The following ZNF600 variants were observed in gnomAD, a reference collection of about 807,000 sequenced individuals.
The protein encoded by ZNF600 is zinc finger protein 600.
In ZNF600, 4 loss-of-function variants were observed where a neutral mutation model predicts 7.3. The observed-to-expected ratio is 0.55, with a 90% CI of 0.27 to 1.25. The LOEUF is 1.25. ZNF600 is among the 50% of genes most tolerant of loss of function. ZNF600 has a pLI of 0.12. For synonymous variants in ZNF600, 290 were observed against 308.9 expected (o/e 0.94, Z 0.64); for missense variants, 911 against 922.1 (o/e 0.99, Z 0.16).
chr19:52,777,517 G>A lies in ZNF600; in HGVS notation c.63+1309C>T, dbSNP rs190455505. Among the ~76,000 whole-genome samples the A allele has an allele frequency of 5.3e-5, 8 of 152,148 alleles. No individual in the cohort carries two copies. The East Asian group carries it at 1.6e-3, about 29-fold the overall frequency. Reference sequence around the variant, plus strand: ...GATTGCACCACTGCACTCCAGCCTGGACAACAAAATAAAAATACGATATAA... The same window carrying A: ...GATTGCACCACTGCACTCCAGCCTGAACAACAAAATAAAAATACGATATAA... On this transcript the variant is annotated intron_variant, in intron 2 of 3. Transcript: ENST00000648973.
the ZNF600 span, among the ~76,000 whole-genome samples, chr19:52,830,319 T>C: frequency 6.6e-6 from 1 of 151,640 alleles, no homozygotes; most frequent in Non-Finnish European, 1.5e-5. Flanking sequence ...ACATTATTTC[T>C]CAAATAAGTT....
the ZNF600 span, among the ~76,000 whole-genome samples, chr19:52,826,082 C>A: frequency 6.6e-6 from 1 of 152,122 alleles, no homozygotes; most frequent in African/African-American, 2.4e-5. Flanking sequence ...CCCCATTGAG[C>A]CAAGGGAACT....
the ZNF600 span, among the ~76,000 whole-genome samples, chr19:52,830,060 A>C: frequency 6.6e-6 from 1 of 152,050 alleles, no homozygotes; most frequent in Non-Finnish European, 1.5e-5. Context: ...GATCACCTGA[A>C]GTTGGGAGTT....
chr19:52,800,957 G>T, the ZNF600 span: 7 of 1,614,066 alleles, frequency 4.3e-6, no homozygotes, highest in Non-Finnish European at 1.7e-6. Flanking sequence ...CATAAGGTTT[G>T]TCTGCAGTAT....
chr19:52,803,264 AT>A, the ZNF600 span, among the ~76,000 whole-genome samples: 1 of 151,474 alleles, frequency 6.6e-6, no homozygotes, highest in Non-Finnish European at 1.5e-5. Flanking sequence ...TTTAGTAGAG[AT>A]GGGGTTTGGT....
At chr19:52,790,937 T>A (rs1378128942), upstream of ZNF600, among the ~76,000 whole-genome samples, 1 of 151,952 alleles carries the variant, frequency 6.6e-6, no homozygotes, top group African/African-American at 2.4e-5. Flanking sequence ...CACCTTGGAC[T>A]CCCAAAATGC....
chr19:52,808,644 TA>T, the ZNF600 span, among the ~76,000 whole-genome samples: 11 of 137,266 alleles, frequency 8.0e-5, no homozygotes, highest in South Asian at 2.4e-4. Flanking sequence ...AAAAAAAAAT[TA>T]AAAAAAAAAA....
chr19:52,801,338 G>A, the ZNF600 span: 1 of 1,614,124 alleles, frequency 6.2e-7, no homozygotes, highest in Non-Finnish European at 8.5e-7. Context: ...AGGAAGCATT[G>A]TTGATAGACT....
chr19:52,781,453 T>A lies in ZNF600; in HGVS notation c.-19-2546A>T, dbSNP rs1406121680. ...TGCCTGGAAGGCCCAATAGGCTGCC[T>A]TGGTCTTCCTCCTCTAGAAAATTCC... is the stretch of plus-strand genomic sequence containing the variant. On this transcript the variant is annotated intron_variant, in intron 1 of 3. The change creates a new upstream start codon in the 5' untranslated region. Transcript: ENST00000648973. 1 of 152,134 alleles carries A rather than the reference T, an allele frequency of 6.6e-6. No individual in the cohort carries two copies. Among genetic ancestry groups the A allele is most frequent in the Non-Finnish European group, 1.5e-5 (1 of 68,040 alleles). The allele number at this position is 152,134 out of a possible 1,614,324, so 9.4% of individuals were successfully genotyped here.
the ZNF600 span, among the ~76,000 whole-genome samples, chr19:52,816,185 T>C: frequency 1.4e-5 from 2 of 144,420 alleles, no homozygotes; most frequent in Non-Finnish European, 3.0e-5. Flanking sequence ...ACAAAATATA[T>C]ACATCATGTG....
At chr19:52,777,641 C>T in intron 2 of ZNF600, among the ~76,000 whole-genome samples, 1 of 152,094 alleles carries the variant, frequency 6.6e-6, no homozygotes, top group East Asian at 1.9e-4. Flanking sequence ...ACCAGCCTAA[C>T]CAACATGGTG....
At chr19:52,800,446 A>T in the ZNF600 span, 1 of 1,613,412 alleles carries the variant, frequency 6.2e-7, no homozygotes, top group Non-Finnish European at 8.5e-7. Context: ...TCACATTTGT[A>T]TGGTTTCTCT....
chr19:52,808,310 C>T, the ZNF600 span, among the ~76,000 whole-genome samples: 12,316 of 152,192 alleles, frequency 0.081, 910 homozygotes, highest in South Asian at 0.2. Context: ...TCAAGACACA[C>T]TTTCAGTATG....
At chr19:52,818,359 T>C in the ZNF600 span, among the ~76,000 whole-genome samples, 1 of 152,136 alleles carries the variant, frequency 6.6e-6, no homozygotes, top group Non-Finnish European at 1.5e-5. Flanking sequence ...GAAGGATCAC[T>C]TGAGCTCAGA....
chr19:52,772,992 C>CT (rs2062642837), intron 3 of ZNF600, among the ~76,000 whole-genome samples: 1 of 152,164 alleles, frequency 6.6e-6, no homozygotes, highest in African/African-American at 2.4e-5. Context: ...TAATTTTGTC[C>CT]AGTGGATGAA....
At chr19:52,805,647 T>TAAATAAATAAATAAATAAAC in the ZNF600 span, 1 of 149,216 alleles carries the variant, frequency 6.7e-6, no homozygotes, top group Non-Finnish European at 1.5e-5. Context: ...ATAATAAAAA[T>TAAATAAATAAATAAATAAAC]AAATAAATAA....
chr19:52,787,740 A>G (rs542097080), upstream of ZNF600, among the ~76,000 whole-genome samples: 234 of 149,918 alleles, frequency 1.6e-3, 2 homozygotes, highest in African/African-American at 5.2e-3. Flanking sequence ...GGTGCCTGTA[A>G]TCCCAGCTAC....
At chr19:52,811,427 C>G in the ZNF600 span, among the ~76,000 whole-genome samples, 25 of 147,254 alleles carry the variant, frequency 1.7e-4, no homozygotes, top group African/African-American at 6.0e-4. Flanking sequence ...GCCCGGCCGC[C>G]ATCCCATCTA....
the ZNF600 span, chr19:52,805,077 C>G: frequency 0.78 from 118,706 of 151,398 alleles, 47,365 homozygotes; most frequent in Non-Finnish European, 0.87. Context: ...GACCATCCTG[C>G]CTAACAAGCT....
Sources: gnomAD v4.1 joint callset for allele counts (sites outside exome capture counted in the v4.1 genomes callset) on GRCh38, gnomAD v4.1.1 for gene constraint, MANE v1.5 for transcripts, NCBI Gene and HGNC (gene_info 2026-07-23, HGNC 2026-07-21) for gene names.